The following THSD4 variants were observed in gnomAD, a reference collection of about 807,000 sequenced individuals.
THSD4 encodes thrombospondin type 1 domain containing 4.
A neutral mutation model predicts 119.0 loss-of-function variants in THSD4; 69 were observed. That is an observed-to-expected ratio of 0.58 (90% CI 0.48 to 0.71). THSD4 has a LOEUF of 0.71. Ranked by LOEUF, THSD4 falls within the 30% of genes least tolerant of loss-of-function variation. The probability of loss-of-function intolerance (pLI) is 0.00; values close to 1 mark genes in which losing one functional copy is unlikely to be tolerated. For missense variants in THSD4, 1,393 were observed against 1,391.1 expected, an observed-to-expected ratio of 1.00 and a Z score of -0.02; for synonymous variants, 524 against 540.4, an observed-to-expected ratio of 0.97 and a Z score of 0.42.
At chr15:71,602,858 A>G in intron 7 of THSD4, among the ~76,000 whole-genome samples, 1 of 152,204 alleles carries the variant, frequency 6.6e-6, no homozygotes, top group East Asian at 1.9e-4. Context: ...TTTTAAAAGG[A>G]TAACTTGTCT....
intron 8 of THSD4, among the ~76,000 whole-genome samples, chr15:71,721,669 CA>C (rs34430183): frequency 0.89 from 134,011 of 149,772 alleles, 61,519 homozygotes; most frequent in Non-Finnish European, 1. Flanking sequence ...GACCCTGTCT[CA>C]AAAAAAAAAC....
intron 7 of THSD4, among the ~76,000 whole-genome samples, chr15:71,540,447 T>C (rs2048743861): frequency 7.9e-6 from 1 of 126,468 alleles, no homozygotes; most frequent in Non-Finnish European, 1.7e-5. Flanking sequence ...CCTTTTTTTT[T>C]TTTTTAAACG....
chr15:71,481,569 C>T (rs1168620848), intron 7 of THSD4, among the ~76,000 whole-genome samples: 1 of 152,136 alleles, frequency 6.6e-6, no homozygotes, highest in Non-Finnish European at 1.5e-5. Context: ...GACCTTCTTT[C>T]TCAACTCTCA....
intron 3 of THSD4, among the ~76,000 whole-genome samples, chr15:71,203,846 G>A (rs559466774): frequency 1.9e-4 from 29 of 152,186 alleles, no homozygotes; most frequent in African/African-American, 6.5e-4. Context: ...AAATGCTTTC[G>A]GCTTGCCTTT....
rs1017893049 is a variant in THSD4, at chr15:71,366,281, A to C, written c.1016-45406A>C. On this transcript the variant is annotated intron_variant, in intron 6 of 17. Coordinates refer to ENST00000261862, the MANE Select transcript of THSD4 (RefSeq NM_024817.3). ...AGTACAGACGGGGTTTCACCATGTT[A>C]GCCAGGATGGTCTCGATCTCCCGTC... 3.9e-5 allele frequency among the ~76,000 whole-genome samples: 6 copies of C among 152,168 alleles called. 1 individual carries two copies. The Middle Eastern group carries it at 0.01, about 259-fold the overall frequency.
intron 3 of THSD4, among the ~76,000 whole-genome samples, chr15:71,171,542 T>C (rs1034159814): frequency 1.3e-5 from 2 of 152,172 alleles, no homozygotes; most frequent in African/African-American, 4.8e-5. Flanking sequence ...AGAAGGAAGA[T>C]ATCAGGTGGA....
chr15:71,125,005 T>A (rs1243276646), intron 1 of THSD4, among the ~76,000 whole-genome samples: 1 of 152,060 alleles, frequency 6.6e-6, no homozygotes, highest in East Asian at 1.9e-4. Context: ...CCCAGGAGTT[T>A]TGAGGCTGCA....
chr15:71,702,621 T>A (rs1231816973), intron 8 of THSD4, among the ~76,000 whole-genome samples: 1 of 152,196 alleles, frequency 6.6e-6, no homozygotes, highest in Non-Finnish European at 1.5e-5. Flanking sequence ...CATGATTATG[T>A]CTCTTCATGA....
In THSD4 at chr15:71,215,187, C is replaced by T. The variant is rs931663268; in HGVS notation, c.252C>T (p.Ser84=). 2.2e-6 allele frequency: 3 copies of T among 1,363,138 alleles called. No individual in the cohort carries two copies. The highest frequency in any genetic ancestry group is 3.1e-5 in the African/African-American group (2 of 65,240). The allele number at this position is 1,363,138 out of a possible 1,614,324, so 84.4% of individuals were successfully genotyped here. A position where few individuals can be genotyped will look rare whatever the true frequency, so the allele number is the denominator to read the frequency against. Residue 84 remains serine, a synonymous_variant, in exon 4 of 18, where the codon TCC becomes TCT. Transcript: ENST00000261862. The stretch of plus-strand genomic sequence containing the variant: ...AGACGCGGCCCTGCCTGCCCCGCTC[C>T]TACCGCCTGCGCGGCGGCCAGCGGC... ...MEQTRPCLPR[S]YRLRGGQRPG...
intron 6 of THSD4, among the ~76,000 whole-genome samples, chr15:71,370,894 T>C (rs1023971817): frequency 1.3e-5 from 2 of 152,194 alleles, no homozygotes; most frequent in Non-Finnish European, 2.9e-5. Context: ...AAGTCTCCCA[T>C]TATTATTGTG....
chr15:71,200,910 C>T (rs957632391), intron 3 of THSD4, among the ~76,000 whole-genome samples: 1 of 152,200 alleles, frequency 6.6e-6, no homozygotes, highest in Non-Finnish European at 1.5e-5. Flanking sequence ...AGCCGCCTTT[C>T]CCATGCCCCA....
intron 6 of THSD4, among the ~76,000 whole-genome samples, chr15:71,296,943 C>G (rs2044870782): frequency 6.6e-6 from 1 of 152,100 alleles, no homozygotes. Context: ...AATGAGATAA[C>G]CTGTGAAATG....
At chr15:71,359,424 C>T (rs972249572) in intron 6 of THSD4, among the ~76,000 whole-genome samples, 9 of 152,162 alleles carry the variant, frequency 5.9e-5, no homozygotes, top group East Asian at 1.9e-4. Context: ...AAGCTGTATT[C>T]GTACCATTTT....
chr15:71,143,112 T>A (rs532378248), intron 2 of THSD4, among the ~76,000 whole-genome samples: 1 of 152,254 alleles, frequency 6.6e-6, no homozygotes, highest in South Asian at 2.1e-4. Flanking sequence ...TCTTTATCAA[T>A]GACATATTCA....
At position 71,395,912 on chromosome 15, in the gene THSD4, G is replaced by GAC. The variant is rs148711899; in HGVS notation, c.1016-15774_1016-15773insCA. Reference sequence around the variant, plus strand: ...AGTCTGCTTCTCAGTGTTTTGAAGAGAGACACACACACACACACACACACA... The same window carrying GAC: ...AGTCTGCTTCTCAGTGTTTTGAAGAGACAGACACACACACACACACACACACA... On this transcript the variant is annotated intron_variant, in intron 6 of 17. Coordinates refer to ENST00000261862, the MANE Select transcript of THSD4 (RefSeq NM_024817.3). Among the ~76,000 whole-genome samples the GAC allele has an allele frequency of 7.6e-4, 83 of 109,598 alleles. 1 individual carries two copies. The highest frequency in any genetic ancestry group is 4.5e-3 in the Middle Eastern group (1 of 222). The allele number at this position is 109,598 out of a possible 152,430, so 71.9% of individuals were successfully genotyped here. A position where few individuals can be genotyped will look rare whatever the true frequency, so the allele number is the denominator to read the frequency against.
At chr15:71,351,839 C>T (rs1241194603) in intron 6 of THSD4, among the ~76,000 whole-genome samples, 3 of 152,242 alleles carry the variant, frequency 2.0e-5, no homozygotes, top group Non-Finnish European at 4.4e-5. Context: ...TCCCTACTCC[C>T]TTCCAGGGGC....
intron 3 of THSD4, among the ~76,000 whole-genome samples, chr15:71,213,471 C>A (rs2043904138): frequency 6.6e-6 from 1 of 152,194 alleles, no homozygotes; most frequent in African/African-American, 2.4e-5. Flanking sequence ...CCAGGACAGC[C>A]AGTCCCTTCC....
chr15:71,567,797 G>T (rs1471949519), intron 7 of THSD4, among the ~76,000 whole-genome samples: 1 of 150,268 alleles, frequency 6.7e-6, no homozygotes, highest in East Asian at 1.9e-4. Context: ...GTGTGTGTTT[G>T]TAGGTGTGTG....
chr15:71,595,044 T>A (rs535512652), intron 7 of THSD4, among the ~76,000 whole-genome samples: 2 of 152,090 alleles, frequency 1.3e-5, no homozygotes, highest in Non-Finnish European at 2.9e-5. Context: ...CAGGAAAAGT[T>A]TGGAATAGAG....
Sources: allele counts gnomAD v4.1 joint callset (sites outside exome capture counted in the v4.1 genomes callset), GRCh38; gene constraint gnomAD v4.1.1; transcripts MANE v1.5; gene names NCBI Gene and HGNC (gene_info 2026-07-23, HGNC 2026-07-21).